CAMK4: variants seen among roughly 807,000 people sequenced by gnomAD.
CAMK4 encodes calcium/calmodulin-dependent protein kinase type IV.
Under a neutral mutation model 44.9 loss-of-function variants are expected in CAMK4, and 22 were observed. That is an observed-to-expected ratio of 0.49 (90% CI 0.35 to 0.70). The LOEUF (loss-of-function observed/expected upper bound fraction) is 0.70, where lower values mean the gene tolerates loss of function less well. Ranked by LOEUF, CAMK4 falls within the 30% of genes least tolerant of loss-of-function variation. The pLI, the probability that CAMK4 is intolerant of heterozygous loss-of-function variation, is 0.01. For synonymous variants in CAMK4, 218 were observed against 215.4 expected, an observed-to-expected ratio of 1.01 and a Z score of -0.11; for missense variants, 498 against 586.8, an observed-to-expected ratio of 0.85 and a Z score of 1.56.
At chr5:111,267,412 C>T (rs997165186) in intron 1 of CAMK4, among the ~76,000 whole-genome samples, 1 of 152,076 alleles carries the variant, frequency 6.6e-6, no homozygotes, top group Non-Finnish European at 1.5e-5. Context: ...TGTTTTCCTT[C>T]TACATTAAGA....
At chr5:111,446,894 A>G in intron 6 of CAMK4, 118 bp downstream of exon 6, 2 of 728,214 alleles carry the variant, frequency 2.7e-6, no homozygotes, top group South Asian at 3.0e-5. Flanking sequence ...TTCCTGAATA[A>G]TTGACATCTG....
chr5:111,432,358 A>G (rs182053655), intron 5 of CAMK4, among the ~76,000 whole-genome samples: 30 of 152,158 alleles, frequency 2.0e-4, no homozygotes, highest in African/African-American at 7.2e-4. Context: ...GAGGCTGGGA[A>G]GTGTAGTAGG....
intron 5 of CAMK4, among the ~76,000 whole-genome samples, chr5:111,424,539 A>G (rs1246020594): frequency 7.5e-6 from 1 of 133,894 alleles, no homozygotes; most frequent in Admixed American, 8.9e-5. Flanking sequence ...CCGCCTCCTG[A>G]GTTCACGCCA....
At chr5:111,247,524 A>T (rs527693926) in intron 1 of CAMK4, among the ~76,000 whole-genome samples, 1 of 150,360 alleles carries the variant, frequency 6.7e-6, no homozygotes, top group African/African-American at 2.4e-5. Flanking sequence ...TATTTTATTT[A>T]TAAATAAATG....
At chr5:111,370,622 T>C (rs1288636431) in intron 2 of CAMK4, among the ~76,000 whole-genome samples, 2 of 152,108 alleles carry the variant, frequency 1.3e-5, no homozygotes, top group Non-Finnish European at 2.9e-5. Context: ...TTATTTGATA[T>C]TAGCAAGGAA....
In CAMK4 at chr5:111,455,475, T is replaced by C. The variant is rs1236950023; in HGVS notation, c.625+6272T>C. ...TCAGCTATTGAATGTGAAGGCATGATGAAAGTGTAGAATGACAGGTAAAAG... is the reference window on the plus strand; with the variant it reads ...TCAGCTATTGAATGTGAAGGCATGACGAAAGTGTAGAATGACAGGTAAAAG... On this transcript the variant is annotated intron_variant, in intron 7 of 10. Coordinates refer to ENST00000282356, the MANE Select transcript of CAMK4 (RefSeq NM_001744.6). Among the ~76,000 whole-genome samples the C allele has an allele frequency of 2.6e-5, 4 of 152,184 alleles. No homozygotes were observed. In the South Asian group the frequency reaches 6.2e-4, roughly 24 times the overall value.
At chr5:111,471,769 A>G (rs556850395) in intron 7 of CAMK4, among the ~76,000 whole-genome samples, 2 of 152,336 alleles carry the variant, frequency 1.3e-5, no homozygotes, top group East Asian at 3.9e-4. Flanking sequence ...TCTACAGGGA[A>G]ATTGGAACAT....
rs1194725086 is a variant in CAMK4, at chr5:111,484,445, T to G, written c.1401T>G (p.Asp467Glu). 1 of 1,523,334 alleles carries G rather than the reference T, an allele frequency of 6.6e-7. No homozygotes were observed. Among genetic ancestry groups the G allele is most frequent in the Non-Finnish European group, 8.8e-7 (1 of 1,137,084 alleles). The allele number at this position is 1,523,334 out of a possible 1,614,324, so 94.4% of individuals were successfully genotyped here. A position where few individuals can be genotyped will look rare whatever the true frequency, so the allele number is the denominator to read the frequency against. ...TGGGTTTTGAAGTTCCACAGCAAGATGTGATCCTGCCAGAGTACTAAACAG... is the reference window on the plus strand; with the variant it reads ...TGGGTTTTGAAGTTCCACAGCAAGAGGTGATCCTGCCAGAGTACTAAACAG... The part of the protein sequence containing the change: ...SAVGFEVPQQ[D>E]VILPEY Residue 467 changes from aspartate to glutamate, a missense_variant, in exon 11 of 11, where the codon GAT becomes GAG. Asp to Glu is a conservative substitution (Grantham distance 45). Coordinates refer to ENST00000282356, the MANE Select transcript of CAMK4 (RefSeq NM_001744.6). This position sits in a 1 kb window ranked among gnomAD's most constrained non-coding sequence, Gnocchi z 5.3.
At chr5:111,365,250 G>A (rs1030540161) in intron 2 of CAMK4, 1 of 152,110 alleles carries the variant, frequency 6.6e-6, no homozygotes, top group African/African-American at 2.4e-5. Context: ...TCTAAGCCAA[G>A]TAGGAGCTTT....
chr5:111,322,477 C>A (rs915977731), intron 1 of CAMK4, among the ~76,000 whole-genome samples: 5 of 151,932 alleles, frequency 3.3e-5, no homozygotes, highest in African/African-American at 1.2e-4. Context: ...TTGATAGGAT[C>A]AAAAGGATTT....
At chr5:111,329,653 A>C (rs1749069006) in intron 1 of CAMK4, among the ~76,000 whole-genome samples, 1 of 151,972 alleles carries the variant, frequency 6.6e-6, no homozygotes, top group East Asian at 1.9e-4. Flanking sequence ...GATTATCCCA[A>C]GAATGCAAGG....
At chr5:111,304,059 AC>A in intron 1 of CAMK4, among the ~76,000 whole-genome samples, 1 of 17,726 alleles carries the variant, frequency 5.6e-5, no homozygotes, top group Middle Eastern at 9.6e-3. Context: ...AGATTTTGTC[AC>A]CACCAGGCCT....
chr5:111,289,972 TG>T (rs1751380468), intron 1 of CAMK4, among the ~76,000 whole-genome samples: 1 of 152,204 alleles, frequency 6.6e-6, no homozygotes, highest in South Asian at 2.1e-4. Flanking sequence ...AGTATCTCCC[TG>T]GGAACCCAAT....
chr5:111,290,128 A>G lies in CAMK4; in HGVS notation c.162-53896A>G, dbSNP rs1200244285. On this transcript the variant is annotated intron_variant, in intron 1 of 10. Coordinates refer to ENST00000282356, the MANE Select transcript of CAMK4 (RefSeq NM_001744.6). The surrounding 1 kb of genome is among the most constrained non-coding windows in gnomAD (Gnocchi z 4.5). ...ATTCAAGGCCTGTCAAGTATCGTATATATGCCATTGGTTCAACACATAAAC... is the reference window on the plus strand; with the variant it reads ...ATTCAAGGCCTGTCAAGTATCGTATGTATGCCATTGGTTCAACACATAAAC... 6.6e-6 allele frequency among the ~76,000 whole-genome samples: 1 copy of G among 152,156 alleles called. No homozygotes were observed. The highest frequency in any genetic ancestry group is 2.4e-5 in the African/African-American group (1 of 41,448).
At chr5:111,230,954 A>G (rs185676514) in intron 1 of CAMK4, among the ~76,000 whole-genome samples, 1 of 152,306 alleles carries the variant, frequency 6.6e-6, no homozygotes, top group East Asian at 1.9e-4. Flanking sequence ...GGAACCATGT[A>G]ATTCAGGACA....
At chr5:111,369,650 G>A (rs1750929970) in intron 2 of CAMK4, among the ~76,000 whole-genome samples, 1 of 152,044 alleles carries the variant, frequency 6.6e-6, no homozygotes, top group Admixed American at 6.6e-5. Flanking sequence ...TTTGTTTGAA[G>A]TACGGTCATT....
intron 1 of CAMK4, among the ~76,000 whole-genome samples, chr5:111,267,426 T>C (rs1750296790): frequency 6.6e-6 from 1 of 152,154 alleles, no homozygotes; most frequent in African/African-American, 2.4e-5. Flanking sequence ...ATTAAGAATT[T>C]TCATTCTGGG....
chr5:111,492,019 A>G lies in CAMK4; in HGVS notation c.*7553A>G, dbSNP rs1755857853. 6.6e-6 allele frequency: 1 copy of G among 152,216 alleles called. No individual in the cohort carries two copies. Among genetic ancestry groups the G allele is most frequent in the Non-Finnish European group, 1.5e-5 (1 of 68,040 alleles). 9.4% of individuals were successfully genotyped at this position (152,216 alleles called of 1,614,324 possible). On this transcript the variant is annotated 3_prime_UTR_variant, in exon 11 of 11. Coordinates refer to ENST00000282356, the MANE Select transcript of CAMK4 (RefSeq NM_001744.6). ...TTACGTATTTTATTTCTTTGAAAAG[A>G]GAGGGCCTTGAGTAAATGCTTTCGT... is the stretch of plus-strand genomic sequence containing the variant.
chr5:111,427,758 G>A (rs1753281701), intron 5 of CAMK4, among the ~76,000 whole-genome samples: 1 of 152,232 alleles, frequency 6.6e-6, no homozygotes, highest in Non-Finnish European at 1.5e-5. Flanking sequence ...GTTTTTGACT[G>A]TAGTTCCTGA....
Sources: gnomAD v4.1 joint callset for allele counts (sites outside exome capture counted in the v4.1 genomes callset) on GRCh38, gnomAD v4.1.1 for gene constraint, Gnocchi (gnomAD v3.1) non-coding constraint, MANE v1.5 for transcripts, NCBI Gene and HGNC (gene_info 2026-07-23, HGNC 2026-07-21) for gene names.